HACD2: variants seen among roughly 807,000 people sequenced by gnomAD.
The protein encoded by HACD2 is 3-hydroxyacyl-CoA dehydratase 2, also known as very-long-chain (3R)-3-hydroxyacyl-CoA dehydratase 2.
Under a neutral mutation model 31.0 loss-of-function variants are expected in HACD2, and 15 were observed. That is an observed-to-expected ratio of 0.48 (90% CI 0.32 to 0.75). The LOEUF (loss-of-function observed/expected upper bound fraction) is 0.75, where lower values mean the gene tolerates loss of function less well. Among genes scored for constraint, HACD2 ranks in the 30% least tolerant of loss-of-function variants. The pLI is 0.03. For synonymous variants in HACD2, 115 were observed against 122.2 expected, an observed-to-expected ratio of 0.94 and a Z score of 0.39; for missense variants, 283 against 313.0, an observed-to-expected ratio of 0.90 and a Z score of 0.72.
chr3:123,537,699 T>C (rs943473950), intron 3 of HACD2, among the ~76,000 whole-genome samples: 1 of 152,170 alleles, frequency 6.6e-6, no homozygotes, highest in African/African-American at 2.4e-5. Flanking sequence ...TATGTCTGTC[T>C]GCCTACTTTT....
At chr3:123,542,913 A>C (rs193125165) in intron 3 of HACD2, among the ~76,000 whole-genome samples, 1 of 152,368 alleles carries the variant, frequency 6.6e-6, no homozygotes, top group East Asian at 1.9e-4. Flanking sequence ...AATGGATGGA[A>C]TCACATCAAA....
intron 4 of HACD2, among the ~76,000 whole-genome samples, chr3:123,515,332 A>G (rs1405113607): frequency 2.6e-5 from 4 of 152,164 alleles, no homozygotes; most frequent in African/African-American, 9.7e-5. Flanking sequence ...GAGGGCAACA[A>G]CTGCATCTGT....
At chr3:123,499,416 G>T in intron 6 of HACD2, 1 of 299,482 alleles carries the variant, frequency 3.3e-6, no homozygotes, top group Non-Finnish European at 6.8e-6. Flanking sequence ...TCCAGCACTA[G>T]AGAGGACTCA....
At chr3:123,549,104 T>A (rs1329390230) in intron 3 of HACD2, among the ~76,000 whole-genome samples, 1 of 151,670 alleles carries the variant, frequency 6.6e-6, no homozygotes, top group East Asian at 1.9e-4. Context: ...ATATCTGAAA[T>A]TCTACCTTAC....
intron 4 of HACD2, among the ~76,000 whole-genome samples, chr3:123,510,148 C>T (rs2056038152): frequency 6.6e-6 from 1 of 152,202 alleles, no homozygotes; most frequent in South Asian, 2.1e-4. Context: ...AACAATCACT[C>T]CACATCTTCC....
At chr3:123,559,285 GTGT>G (rs10583507) in intron 3 of HACD2, among the ~76,000 whole-genome samples, 3,746 of 152,234 alleles carry the variant, frequency 0.025, 152 homozygotes, top group African/African-American at 0.081. Flanking sequence ...TACAGAAAAC[GTGT>G]TGTGTGTGTC....
At position 123,556,758 on chromosome 3, in the gene HACD2, C is replaced by A. The variant is rs71332705; in HGVS notation, c.292+11004G>T. ...CAAAATATAGAAAGAATTCTTAAAT[C>A]TCAACAAAAAAACAATCCAACTGAA... On this transcript the variant is annotated intron_variant, in intron 3 of 6. Coordinates refer to ENST00000383657, the MANE Select transcript of HACD2 (RefSeq NM_198402.5). Among the ~76,000 whole-genome samples, 290 of 152,132 alleles carry A rather than the reference C, an allele frequency of 1.9e-3. 4 individuals are homozygous for A. Among genetic ancestry groups the A allele is most frequent in the Middle Eastern group, 0.017 (5 of 292 alleles).
intron 3 of HACD2, among the ~76,000 whole-genome samples, chr3:123,561,854 C>T (rs1350219132): frequency 1.3e-5 from 2 of 152,090 alleles, no homozygotes; most frequent in South Asian, 2.1e-4. Flanking sequence ...CTCTGTCGCC[C>T]AGGCTGGAGT....
chr3:123,518,900 G>A (rs963893957), intron 4 of HACD2, among the ~76,000 whole-genome samples: 2 of 151,522 alleles, frequency 1.3e-5, no homozygotes, highest in African/African-American at 4.9e-5. Context: ...GGGAGGCTGA[G>A]GCAGGAGAAT....
At chr3:123,513,692 T>C (rs977500135) in intron 4 of HACD2, among the ~76,000 whole-genome samples, 1 of 152,030 alleles carries the variant, frequency 6.6e-6, no homozygotes, top group Non-Finnish European at 1.5e-5. Flanking sequence ...CATGTCTCCT[T>C]CTCCCATGAA....
chr3:123,550,810 A>G (rs375966380), intron 3 of HACD2, among the ~76,000 whole-genome samples: 20 of 152,290 alleles, frequency 1.3e-4, no homozygotes, highest in African/African-American at 4.8e-4. Context: ...GAGCCACTGA[A>G]GCTGTGGGAA....
At chr3:123,551,445 C>A (rs1294744195) in intron 3 of HACD2, among the ~76,000 whole-genome samples, 1 of 151,768 alleles carries the variant, frequency 6.6e-6, no homozygotes, top group African/African-American at 2.4e-5. Context: ...ATGGTGAATC[C>A]CCATCTCTAC....
intron 3 of HACD2, chr3:123,543,713 G>T (rs1185513902): frequency 7.1e-6 from 3 of 419,632 alleles, no homozygotes; most frequent in Non-Finnish European, 1.4e-5. Context: ...TTATAACAAT[G>T]TAGACACTGG....
intron 2 of HACD2, among the ~76,000 whole-genome samples, chr3:123,574,772 G>C (rs749238220): frequency 2.0e-5 from 3 of 152,064 alleles, no homozygotes; most frequent in Non-Finnish European, 4.4e-5. Flanking sequence ...CGCCCCTCCA[G>C]AGGTAAGCTC....
intron 2 of HACD2, among the ~76,000 whole-genome samples, chr3:123,573,198 A>G (rs1331153979): frequency 6.6e-6 from 1 of 152,232 alleles, no homozygotes; most frequent in Non-Finnish European, 1.5e-5. Context: ...TTAAAACTTA[A>G]TAATAATAAT....
At chr3:123,564,769 G>A (rs2056773266) in intron 3 of HACD2, among the ~76,000 whole-genome samples, 1 of 152,198 alleles carries the variant, frequency 6.6e-6, no homozygotes, top group South Asian at 2.1e-4. Context: ...AGAGTGCTCT[G>A]AGCATTTTGT....
chr3:123,537,725 T>C (rs190381460), intron 3 of HACD2, among the ~76,000 whole-genome samples: 10 of 152,282 alleles, frequency 6.6e-5, no homozygotes, highest in Non-Finnish European at 1.2e-4. Flanking sequence ...CTCATATTAA[T>C]ATACATGTGA....
chr3:123,508,627 T>C (rs899890701), intron 4 of HACD2, among the ~76,000 whole-genome samples: 6 of 152,224 alleles, frequency 3.9e-5, no homozygotes, highest in East Asian at 1.9e-4. Context: ...AGAAATTCCC[T>C]GACCAAGCTT....
intron 2 of HACD2, among the ~76,000 whole-genome samples, chr3:123,571,696 T>A (rs541099081): frequency 6.6e-6 from 1 of 152,310 alleles, no homozygotes; most frequent in African/African-American, 2.4e-5. Flanking sequence ...GCTGACAACT[T>A]GATTTCAATC....
Sources: gnomAD v4.1 joint callset for allele counts (sites outside exome capture counted in the v4.1 genomes callset) on GRCh38, gnomAD v4.1.1 for gene constraint, MANE v1.5 for transcripts, NCBI Gene and HGNC (gene_info 2026-07-23, HGNC 2026-07-21) for gene names.